Variants in COL8A1 observed in about 807,000 individuals in gnomAD.
The protein encoded by COL8A1 is collagen alpha-1(VIII) chain.
Under a neutral mutation model 42.7 loss-of-function variants are expected in COL8A1, and 21 were observed. The observed-to-expected ratio is 0.49, with a 90% CI of 0.35 to 0.71. The LOEUF (loss-of-function observed/expected upper bound fraction) is 0.71. Ranked by LOEUF, COL8A1 falls within the 30% of genes least tolerant of loss-of-function variation. COL8A1 has a pLI of 0.01. For missense variants in COL8A1, 788 were observed against 962.4 expected, an observed-to-expected ratio of 0.82 and a Z score of 2.40; for synonymous variants, 367 against 369.1, an observed-to-expected ratio of 0.99 and a Z score of 0.06.
At chr3:99,737,642 C>T (rs1940768163) in intron 1 of COL8A1, among the ~76,000 whole-genome samples, 1 of 152,170 alleles carries the variant, frequency 6.6e-6, no homozygotes, top group Non-Finnish European at 1.5e-5. Context: ...CGACCTTTCT[C>T]TCTGGCTGCC....
chr3:99,795,924 T>C lies in COL8A1; in HGVS notation c.2023T>C (p.Trp675Arg), dbSNP rs1162191122. 6.2e-7 allele frequency: 1 copy of C among 1,614,058 alleles called. No homozygotes were observed. Among genetic ancestry groups the C allele is most frequent in the Non-Finnish European group, 8.5e-7 (1 of 1,180,024 alleles). Residue 675 changes from tryptophan (W) to arginine (R), a missense_variant, in exon 4 of 4, where the codon TGG (tryptophan) becomes CGG (arginine). Coordinates refer to ENST00000652472, the MANE Select transcript of COL8A1 (RefSeq NM_020351.4). ...YHVHCKGGNV[W>R]VALFKNNEPV... ...CGTTCACTGCAAGGGGGGCAACGTG[T>C]GGGTTGCTCTATTCAAGAACAACGA...
chr3:99,713,748 C>T (rs1201150564), intron 1 of COL8A1, among the ~76,000 whole-genome samples: 1 of 151,180 alleles, frequency 6.6e-6, no homozygotes, highest in Admixed American at 6.6e-5. Context: ...CTTGGCTTAC[C>T]GTTTAAGAGT....
chr3:99,677,839 A>G (rs1215910062), intron 1 of COL8A1: 1 of 152,222 alleles, frequency 6.6e-6, no homozygotes, highest in Non-Finnish European at 1.5e-5. Context: ...GGCCATTTAC[A>G]CAAAACCAAA....
At chr3:99,773,837 ATTTTTTTT>A (rs1172723632) in intron 2 of COL8A1, among the ~76,000 whole-genome samples, 2 of 45,396 alleles carry the variant, frequency 4.4e-5, no homozygotes, top group African/African-American at 1.3e-4. Context: ...ATATATATAT[ATTTTTTTT>A]TTTTTTTTTT....
At chr3:99,700,548 C>T (rs545883075) in intron 1 of COL8A1, among the ~76,000 whole-genome samples, 5 of 152,240 alleles carry the variant, frequency 3.3e-5, no homozygotes, top group African/African-American at 7.2e-5. Context: ...CATGTATCAT[C>T]TTTGTTACTT....
Position 99,794,110 on chromosome 3 carries a change from T to C in COL8A1, c.329-120T>C, listed in dbSNP as rs577134647. On this transcript the variant is annotated intron_variant, in intron 3 of 3. Transcript: ENST00000652472. This position sits in a 1 kb window ranked among gnomAD's most constrained non-coding sequence, Gnocchi z 4.3. ...TCCTAGTCTTTTCTCTTGATAAGTA[T>C]TAGGCAAATGTGTCAGAACTAAATA... is the stretch of plus-strand genomic sequence containing the variant. 1.4e-5 allele frequency: 9 copies of C among 649,570 alleles called. No homozygotes were observed. The highest frequency in any genetic ancestry group is 8.3e-5 in the East Asian group (3 of 36,362). The allele number at this position is 649,570 out of a possible 1,614,324, so 40.2% of individuals were successfully genotyped here.
chr3:99,651,482 G>A (rs376074501), intron 1 of COL8A1, among the ~76,000 whole-genome samples: 15 of 152,332 alleles, frequency 9.8e-5, no homozygotes, highest in African/African-American at 2.9e-4. Context: ...TAAGCTCTCC[G>A]CCAGCAGGTC....
chr3:99,791,394 T>G (rs1314568143), intron 3 of COL8A1, among the ~76,000 whole-genome samples: 2 of 152,184 alleles, frequency 1.3e-5, no homozygotes, highest in Non-Finnish European at 2.9e-5. Flanking sequence ...CAAGTCAGTC[T>G]TCTGAACTAA....
chr3:99,783,551 A>G (rs1559635141), intron 2 of COL8A1, among the ~76,000 whole-genome samples: 1 of 152,238 alleles, frequency 6.6e-6, no homozygotes, highest in Non-Finnish European at 1.5e-5. Context: ...TATTTGGGCT[A>G]TTAGTCCATT....
chr3:99,674,877 G>A (rs1343528989), intron 1 of COL8A1, among the ~76,000 whole-genome samples: 3 of 152,028 alleles, frequency 2.0e-5, no homozygotes, highest in African/African-American at 4.8e-5. Context: ...TTAGAATTTT[G>A]AAATCTAGTT....
At chr3:99,714,654 T>C (rs1939944075) in intron 1 of COL8A1, among the ~76,000 whole-genome samples, 1 of 152,152 alleles carries the variant, frequency 6.6e-6, no homozygotes, top group African/African-American at 2.4e-5. Flanking sequence ...TATCCATCCA[T>C]TCTTCATTCA....
At chr3:99,787,458 A>G (rs1394075364) in intron 2 of COL8A1, among the ~76,000 whole-genome samples, 1 of 152,162 alleles carries the variant, frequency 6.6e-6, no homozygotes, top group Non-Finnish European at 1.5e-5. Context: ...TTAACCTCAC[A>G]TTTACTTTGC....
intron 1 of COL8A1, among the ~76,000 whole-genome samples, chr3:99,738,259 C>T (rs543913140): frequency 2.2e-4 from 33 of 152,196 alleles, no homozygotes; most frequent in African/African-American, 3.1e-4. Flanking sequence ...TTTGTTCCAT[C>T]GCTGGTGAGG....
At chr3:99,736,625 A>T (rs1178609231) in intron 1 of COL8A1, among the ~76,000 whole-genome samples, 2 of 152,038 alleles carry the variant, frequency 1.3e-5, no homozygotes, top group Non-Finnish European at 2.9e-5. Context: ...GTTCTTTTAC[A>T]TTTGCTGAGG....
At chr3:99,752,977 G>A (rs1941183544) in intron 2 of COL8A1, among the ~76,000 whole-genome samples, 1 of 152,040 alleles carries the variant, frequency 6.6e-6, no homozygotes, top group Admixed American at 6.6e-5. Flanking sequence ...TATGACTTGT[G>A]GTAAATCATT....
chr3:99,698,049 G>T (rs943528710), intron 1 of COL8A1, among the ~76,000 whole-genome samples: 1 of 151,934 alleles, frequency 6.6e-6, no homozygotes. Context: ...TCCCACCTAT[G>T]AGTGAGAACA....
At chr3:99,666,868 C>A (rs1188038881) in intron 1 of COL8A1, among the ~76,000 whole-genome samples, 1 of 152,192 alleles carries the variant, frequency 6.6e-6, no homozygotes, top group African/African-American at 2.4e-5. Context: ...AAATACATGA[C>A]ATTTGGCAAG....
intron 1 of COL8A1, among the ~76,000 whole-genome samples, chr3:99,731,382 A>T (rs1940505253): frequency 6.6e-6 from 1 of 152,150 alleles, no homozygotes; most frequent in African/African-American, 2.4e-5. Flanking sequence ...CCTATAAGTA[A>T]GGATCAGCTC....
At chr3:99,792,010 T>G (rs1942009712) in intron 3 of COL8A1, among the ~76,000 whole-genome samples, 1 of 152,112 alleles carries the variant, frequency 6.6e-6, no homozygotes. Context: ...AAGAACAGAG[T>G]GTGTTCCAGG....
Sources: allele counts gnomAD v4.1 joint callset (sites outside exome capture counted in the v4.1 genomes callset), GRCh38; gene constraint gnomAD v4.1.1; non-coding constraint Gnocchi (gnomAD v3.1); transcripts MANE v1.5; gene names NCBI Gene and HGNC (gene_info 2026-07-23, HGNC 2026-07-21).